Variants in ST6GALNAC3 observed in about 807,000 individuals in gnomAD.
ST6GALNAC3 encodes the protein ST6 N-acetylgalactosaminide alpha-2,6-sialyltransferase 3, also known as alpha-N-acetylgalactosaminide alpha-2,6-sialyltransferase 3.
ST6GALNAC3 carries 25 observed loss-of-function variants against 32.7 expected under a neutral mutation model. The observed-to-expected ratio is 0.76, with a 90% CI of 0.56 to 1.07. The LOEUF is 1.07. Ranked by LOEUF, ST6GALNAC3 falls within the 50% of genes least tolerant of loss-of-function variation. The pLI is 0.00. For missense variants in ST6GALNAC3, 355 were observed against 382.4 expected (o/e 0.93, Z 0.60); for synonymous variants, 129 against 133.1 (o/e 0.97, Z 0.21).
At chr1:76,319,854 C>T (rs1646934373) in intron 2 of ST6GALNAC3, among the ~76,000 whole-genome samples, 1 of 152,284 alleles carries the variant, frequency 6.6e-6, no homozygotes, top group Admixed American at 6.5e-5. Context: ...GACAGCCCCA[C>T]CCCTACCAGC....
At position 76,224,421 on chromosome 1, in the gene ST6GALNAC3, A is replaced by C. The variant is rs147502308; in HGVS notation, c.19-89384A>C. The stretch of plus-strand genomic sequence containing the variant: ...ATAAATGGGCAAAAGGATAGAAGAC[A>C]CATTCTTTACTTAGATGGAGTTGAG... On this transcript the variant is annotated intron_variant, in intron 1 of 4. Transcript: ENST00000328299. Among the ~76,000 whole-genome samples the C allele has an allele frequency of 4.4e-3, 670 of 152,368 alleles. 8 individuals carry two copies. The highest frequency in any genetic ancestry group is 0.015 in the African/African-American group (626 of 41,596).
intron 3 of ST6GALNAC3, among the ~76,000 whole-genome samples, chr1:76,430,424 G>A (rs988484295): frequency 6.6e-6 from 1 of 152,114 alleles, no homozygotes; most frequent in Non-Finnish European, 1.5e-5. Flanking sequence ...CCCTACAGTT[G>A]TTCTCTGGCC....
At chr1:76,516,637 T>C (rs933464225) in intron 3 of ST6GALNAC3, among the ~76,000 whole-genome samples, 7 of 152,148 alleles carry the variant, frequency 4.6e-5, no homozygotes, top group African/African-American at 1.7e-4. Flanking sequence ...TTTTCAAAAA[T>C]AGTATCAACC....
At chr1:76,467,319 G>C (rs960870342) in intron 3 of ST6GALNAC3, among the ~76,000 whole-genome samples, 1 of 151,884 alleles carries the variant, frequency 6.6e-6, no homozygotes, top group African/African-American at 2.4e-5. Context: ...GCGTAAGTAG[G>C]CTTTTTGGAA....
At chr1:76,563,557 AT>A (rs1393701861) in intron 3 of ST6GALNAC3, among the ~76,000 whole-genome samples, 1 of 152,198 alleles carries the variant, frequency 6.6e-6, no homozygotes, top group Non-Finnish European at 1.5e-5. Flanking sequence ...TTAGAACCCA[AT>A]TTAACTCTTA....
intron 1 of ST6GALNAC3, among the ~76,000 whole-genome samples, chr1:76,118,527 C>G (rs1648639338): frequency 6.6e-6 from 1 of 152,138 alleles, no homozygotes; most frequent in African/African-American, 2.4e-5. Flanking sequence ...TTGGGCAGAG[C>G]TGGTCTGGAG....
chr1:76,342,316 A>C (rs532550866), intron 2 of ST6GALNAC3, among the ~76,000 whole-genome samples: 1 of 151,904 alleles, frequency 6.6e-6, no homozygotes, highest in Non-Finnish European at 1.5e-5. Flanking sequence ...ACTAATTTAC[A>C]CTCCCACCAA....
At chr1:76,141,881 C>A (rs532679225) in intron 1 of ST6GALNAC3, among the ~76,000 whole-genome samples, 1 of 152,162 alleles carries the variant, frequency 6.6e-6, no homozygotes, top group African/African-American at 2.4e-5. Flanking sequence ...AACCAAGACC[C>A]CTGCTTCGGT....
At chr1:76,111,646 G>A (rs1243019907) in intron 1 of ST6GALNAC3, among the ~76,000 whole-genome samples, 1 of 149,498 alleles carries the variant, frequency 6.7e-6, no homozygotes, top group Non-Finnish European at 1.5e-5. Flanking sequence ...GACTCTTAAC[G>A]AGCATGCTGC....
At chr1:76,096,913 T>C (rs1445080836) in intron 1 of ST6GALNAC3, among the ~76,000 whole-genome samples, 1 of 150,980 alleles carries the variant, frequency 6.6e-6, no homozygotes. Flanking sequence ...GAGGAAGTCA[T>C]AGAGCTTTTT....
chr1:76,421,492 C>T (rs1310504851), intron 3 of ST6GALNAC3, among the ~76,000 whole-genome samples: 5 of 151,998 alleles, frequency 3.3e-5, no homozygotes, highest in Non-Finnish European at 4.4e-5. Flanking sequence ...AAAGCAAATC[C>T]TAGTACCCAA....
At chr1:76,098,024 A>G (rs1399438303) in intron 1 of ST6GALNAC3, among the ~76,000 whole-genome samples, 1 of 152,176 alleles carries the variant, frequency 6.6e-6, no homozygotes, top group Admixed American at 6.5e-5. Context: ...TAATGAGGGA[A>G]CCAGTACATG....
Position 76,634,063 on chromosome 1 carries a change from A to T in ST6GALNAC3, c.*5257A>T. On this transcript the variant is annotated 3_prime_UTR_variant, in exon 5 of 5. Transcript: ENST00000328299. ...TTTTCTTTTTTTTTTTCAGTTAACT[A>T]CTTGTTTGTTTCTTTTCAGAATAGG... 1 of 599,636 alleles carries T rather than the reference A, an allele frequency of 1.7e-6. No individual in the cohort carries two copies. The highest frequency in any genetic ancestry group is 2.1e-6 in the Non-Finnish European group (1 of 478,276). 37.1% of individuals were successfully genotyped at this position (599,636 alleles called of 1,614,324 possible). A position where few individuals can be genotyped will look rare whatever the true frequency, so the allele number is the denominator to read the frequency against.
chr1:76,619,627 A>G (rs1026886396), intron 3 of ST6GALNAC3, among the ~76,000 whole-genome samples: 2 of 152,174 alleles, frequency 1.3e-5, no homozygotes, highest in Admixed American at 6.5e-5. Context: ...GAAAATAACT[A>G]TATGAAACAT....
At chr1:76,365,958 C>G (rs1266821630) in intron 2 of ST6GALNAC3, among the ~76,000 whole-genome samples, 1 of 152,144 alleles carries the variant, frequency 6.6e-6, no homozygotes, top group East Asian at 1.9e-4. Context: ...CTTGGCAATT[C>G]ATATGTGTTA....
intron 3 of ST6GALNAC3, among the ~76,000 whole-genome samples, chr1:76,447,246 C>T (rs909432073): frequency 3.9e-5 from 6 of 152,040 alleles, no homozygotes; most frequent in Middle Eastern, 3.2e-3. Context: ...GCATTTTGCC[C>T]CTGTCCTAGA....
intron 3 of ST6GALNAC3, among the ~76,000 whole-genome samples, chr1:76,598,334 G>A (rs549958344): frequency 1.4e-4 from 21 of 152,100 alleles, no homozygotes; most frequent in Non-Finnish European, 2.4e-4. Context: ...TCCTGAGCAC[G>A]TGCCAGTCAG....
intron 3 of ST6GALNAC3, among the ~76,000 whole-genome samples, chr1:76,565,722 T>C (rs546380574): frequency 6.6e-6 from 1 of 152,318 alleles, no homozygotes; most frequent in East Asian, 1.9e-4. Flanking sequence ...TATTGTCTTG[T>C]TTCCAGTGCC....
chr1:76,577,605 G>T (rs572191793), intron 3 of ST6GALNAC3, among the ~76,000 whole-genome samples: 30 of 152,014 alleles, frequency 2.0e-4, no homozygotes, highest in Non-Finnish European at 3.5e-4. Flanking sequence ...CAAAAACAAA[G>T]CTCTGGTAAA....
Sources: gnomAD v4.1 joint callset for allele counts (sites outside exome capture counted in the v4.1 genomes callset) on GRCh38, gnomAD v4.1.1 for gene constraint, MANE v1.5 for transcripts, NCBI Gene and HGNC (gene_info 2026-07-23, HGNC 2026-07-21) for gene names.